The following CATSPERE variants were observed in gnomAD, a reference collection of about 807,000 sequenced individuals.
CATSPERE encodes catsper channel auxiliary subunit epsilon, also known as cation channel sperm-associated auxiliary subunit epsilon.
In CATSPERE, 93 loss-of-function variants were observed where a neutral mutation model predicts 114.1. That is an observed-to-expected ratio of 0.81 (90% CI 0.69 to 0.97). The LOEUF (loss-of-function observed/expected upper bound fraction) is 0.97, where lower values mean the gene tolerates loss of function less well. Among genes scored for constraint, CATSPERE ranks in the 50% least tolerant of loss-of-function variants. The pLI, the probability that CATSPERE is intolerant of heterozygous loss-of-function variation, is 0.00. For missense variants in CATSPERE, 1,058 were observed against 1,131.6 expected (o/e 0.93, Z 0.93); for synonymous variants, 341 against 384.1 (o/e 0.89, Z 1.31).
At chr1:244,584,822 A>G (rs6678331) in intron 13 of CATSPERE, among the ~76,000 whole-genome samples, 28,163 of 151,998 alleles carry the variant, frequency 0.19, 3,785 homozygotes, top group East Asian at 0.4. Flanking sequence ...GGCAGACGTG[A>G]TCCATCCTTG....
At chr1:244,623,425 G>A (rs780079487) in intron 20 of CATSPERE, among the ~76,000 whole-genome samples, 1 of 152,090 alleles carries the variant, frequency 6.6e-6, no homozygotes, top group Non-Finnish European at 1.5e-5. Flanking sequence ...AATCTTGTGG[G>A]GATAACATGA....
At chr1:244,525,345 G>A (rs1311739534) in intron 8 of CATSPERE, among the ~76,000 whole-genome samples, 2 of 123,314 alleles carry the variant, frequency 1.6e-5, no homozygotes, top group South Asian at 3.2e-4. Flanking sequence ...CTTTTGGAGT[G>A]GGGGGAGGGG....
At chr1:244,498,808 G>C (rs1406297402) in intron 6 of CATSPERE, among the ~76,000 whole-genome samples, 194 bp from the exon 7 acceptor site, 1 of 152,080 alleles carries the variant, frequency 6.6e-6, no homozygotes, top group Non-Finnish European at 1.5e-5. Flanking sequence ...TGAGGCAGGA[G>C]AATTGCTTGA....
At chr1:244,610,533 T>C (rs1670576208) in intron 19 of CATSPERE, 4 of 662,204 alleles carry the variant, frequency 6.0e-6, no homozygotes, top group Non-Finnish European at 1.1e-5. Context: ...GTTACTATTT[T>C]AATTTTCACT....
At chr1:244,605,047 C>T (rs113385592) in intron 17 of CATSPERE, among the ~76,000 whole-genome samples, 48 of 152,266 alleles carry the variant, frequency 3.2e-4, no homozygotes, top group African/African-American at 9.6e-4. Flanking sequence ...GTACAGGCTA[C>T]GTCTGCTTCT....
intron 8 of CATSPERE, among the ~76,000 whole-genome samples, chr1:244,527,923 A>AGACAGGGTCTCACCCTGTTGCCCAAGCT (rs1412181333): frequency 2.0e-5 from 3 of 152,116 alleles, no homozygotes; most frequent in African/African-American, 2.4e-5. Flanking sequence ...CTTTCTGTAA[A>AGACAGGGTCTCACCCTGTTGCCCAAGCT]GACAGGGTCT....
At chr1:244,619,311 A>G (rs1671796541) in intron 20 of CATSPERE, among the ~76,000 whole-genome samples, 2 of 152,242 alleles carry the variant, frequency 1.3e-5, no homozygotes, top group Non-Finnish European at 2.9e-5. Context: ...AGGAAGGGCC[A>G]GACCACTGAG....
At chr1:244,594,403 G>A (rs1668112743) in intron 17 of CATSPERE, among the ~76,000 whole-genome samples, 1 of 152,048 alleles carries the variant, frequency 6.6e-6, no homozygotes, top group Non-Finnish European at 1.5e-5. Context: ...TTTTGTATTT[G>A]TTTGCTTTCG....
At position 244,555,311 on chromosome 1, in the gene CATSPERE, G is replaced by A. The variant is rs545750867; in HGVS notation, c.1029+2497G>A. Reference sequence around the variant, plus strand: ...GAGGCAGGAGAATTGCTTGAACCCGGGAGGCAGAGGTTACAGTGAGCCAAG... The same window carrying A: ...GAGGCAGGAGAATTGCTTGAACCCGAGAGGCAGAGGTTACAGTGAGCCAAG... On this transcript the variant is annotated intron_variant, in intron 9 of 21. Transcript: ENST00000366534. Among the ~76,000 whole-genome samples the A allele has an allele frequency of 3.9e-3, 592 of 151,706 alleles. 1 individual carries two copies. The highest frequency in any genetic ancestry group is 6.7e-3 in the Non-Finnish European group (458 of 67,926).
chr1:244,629,142 C>T (rs1413824531), intron 20 of CATSPERE, among the ~76,000 whole-genome samples: 1 of 152,184 alleles, frequency 6.6e-6, no homozygotes, highest in Non-Finnish European at 1.5e-5. Flanking sequence ...GTAGAGGCAT[C>T]TGCTGATATT....
At chr1:244,457,811 C>T (rs1464514685), upstream of CATSPERE, among the ~76,000 whole-genome samples, 1 of 152,052 alleles carries the variant, frequency 6.6e-6, no homozygotes, top group East Asian at 1.9e-4. Context: ...TTATTTGGTA[C>T]AAAAATCATA....
chr1:244,578,367 G>T (rs1244858817), intron 11 of CATSPERE, among the ~76,000 whole-genome samples: 1 of 152,042 alleles, frequency 6.6e-6, no homozygotes, highest in Non-Finnish European at 1.5e-5. Flanking sequence ...TGGCCAGGCT[G>T]GTCTCAAATT....
rs149498435 is a variant in CATSPERE at position 244,466,583 on chromosome 1, C to T, written c.114+2627C>T. The stretch of plus-strand genomic sequence containing the variant: ...CATATTATCCCTGTCTTTAAGGGAG[C>T]GTGTAGCAGTCAGGGGTCAGAGGAC... On this transcript the variant is annotated intron_variant, in intron 2 of 21. Transcript: ENST00000366534. 1.5e-3 allele frequency among the ~76,000 whole-genome samples: 224 copies of T among 152,186 alleles called. 1 individual carries two copies. The highest frequency in any genetic ancestry group is 4.9e-3 in the African/African-American group (204 of 41,508).
intron 10 of CATSPERE, among the ~76,000 whole-genome samples, chr1:244,569,967 A>G (rs1377416696): frequency 3.9e-5 from 6 of 152,208 alleles, no homozygotes. Context: ...AAGCTACACA[A>G]GAGAAGGACT....
chr1:244,451,891 C>T (rs1008991878), upstream of CATSPERE: 262 of 1,386,738 alleles, frequency 1.9e-4, no homozygotes, highest in African/African-American at 3.1e-3. This position sits in a 1 kb window ranked among gnomAD's most constrained non-coding sequence, Gnocchi z 6.6. Flanking sequence ...TGCTCTGCGG[C>T]CGCCAGCCAC....
chr1:244,495,161 G>A (rs77906120), intron 6 of CATSPERE, among the ~76,000 whole-genome samples: 2,148 of 152,118 alleles, frequency 0.014, 64 homozygotes, highest in African/African-American at 0.049. Context: ...TTTAAGAGCA[G>A]GAAAAGGAAT....
chr1:244,621,181 T>TTATATAAATATATCTATATATATTA (rs576560764), intron 20 of CATSPERE, among the ~76,000 whole-genome samples: 11,946 of 44,474 alleles, frequency 0.27, 2,251 homozygotes, highest in South Asian at 0.34. Context: ...ATAGATATAT[T>TTATATAAATATATCTATATATATTA]TATATAGATA....
intron 7 of CATSPERE, among the ~76,000 whole-genome samples, chr1:244,517,658 A>G (rs1301690687): frequency 6.6e-6 from 1 of 151,804 alleles, no homozygotes; most frequent in Non-Finnish European, 1.5e-5. Flanking sequence ...CTATAATCTC[A>G]GCTACTTGGG....
At position 244,568,262 on chromosome 1, in the gene CATSPERE, G is replaced by A. The variant is rs1420349886; in HGVS notation, c.1508-4068G>A. On this transcript the variant is annotated intron_variant, in intron 10 of 21. Coordinates refer to ENST00000366534, the MANE Select transcript of CATSPERE (RefSeq NM_001130957.2). The surrounding 1 kb of genome is among the most constrained non-coding windows in gnomAD (Gnocchi z 4.4). The stretch of plus-strand genomic sequence containing the variant: ...GCCAGATGCCAGCCAGAGCTCTTCT[G>A]TATGAGGTGTCTGTCAACCCCTGCT... Among the ~76,000 whole-genome samples, 13 of 152,164 alleles carry A rather than the reference G, an allele frequency of 8.5e-5. No individual in the cohort carries two copies. The highest frequency in any genetic ancestry group is 8.5e-4 in the Admixed American group (13 of 15,274).
Sources: allele counts gnomAD v4.1 joint callset (sites outside exome capture counted in the v4.1 genomes callset), GRCh38; gene constraint gnomAD v4.1.1; non-coding constraint Gnocchi (gnomAD v3.1); transcripts MANE v1.5; gene names NCBI Gene and HGNC (gene_info 2026-07-23, HGNC 2026-07-21).